ADAM12: variants seen among roughly 807,000 people sequenced by gnomAD.
The protein encoded by ADAM12 is ADAM metallopeptidase domain 12.
ADAM12 carries 70 observed loss-of-function variants against 106.4 expected under a neutral mutation model. The ratio of observed to expected loss-of-function variants is 0.66; its 90% CI spans 0.54 to 0.80. ADAM12 has a LOEUF of 0.80. Ranked by LOEUF, ADAM12 falls within the 30% of genes least tolerant of loss-of-function variation. The pLI, the probability that ADAM12 is intolerant of heterozygous loss-of-function variation, is 0.00. For missense variants in ADAM12, 1,010 were observed against 1,171.9 expected (o/e 0.86, Z 2.02); for synonymous variants, 420 against 433.5 (o/e 0.97, Z 0.39).
Position 126,118,084 on chromosome 10 carries a change from GC to G in ADAM12, c.556del (p.Ala186LeufsTer31). ...GGGTGGTGGAAACACATTCTTTGCA[GC>G]GAGGTTTGGTGTGTTGTGATGTGAT... ...CGSHHNTPNL[A>X]AKNVFPPPSQ... On this transcript the variant is annotated frameshift_variant, in exon 6 of 23. Transcript: ENST00000448723. LOFTEE classifies it high-confidence loss of function. The G allele has an allele frequency of 1.9e-6, 3 of 1,614,156 alleles. No individual in the cohort carries two copies. Among genetic ancestry groups the G allele is most frequent in the Non-Finnish European group, 2.5e-6 (3 of 1,180,006 alleles).
chr10:126,051,715 C>A (rs1196841579), intron 14 of ADAM12, among the ~76,000 whole-genome samples: 7 of 151,912 alleles, frequency 4.6e-5, no homozygotes, highest in Non-Finnish European at 8.8e-5. Context: ...TTCAATCAGA[C>A]ACATGTATTT....
intron 3 of ADAM12, among the ~76,000 whole-genome samples, chr10:126,269,992 T>C (rs1959168061): frequency 6.6e-6 from 1 of 152,182 alleles, no homozygotes; most frequent in Non-Finnish European, 1.5e-5. Context: ...AAGAATGAAA[T>C]GAGGGGAGAA....
chr10:126,243,483 G>GTGT (rs1565162675), intron 3 of ADAM12, among the ~76,000 whole-genome samples: 7 of 95,418 alleles, frequency 7.3e-5, no homozygotes, highest in Admixed American at 2.5e-4. Context: ...CTGTGTGTGT[G>GTGT]AGTGTATGTG....
At chr10:126,345,995 A>G (rs1469031617) in intron 1 of ADAM12, among the ~76,000 whole-genome samples, 1 of 152,118 alleles carries the variant, frequency 6.6e-6, no homozygotes, top group Non-Finnish European at 1.5e-5. Flanking sequence ...GATTTTTTGA[A>G]GGTTTTTTTG....
chr10:126,065,874 C>T (rs1954857186), intron 13 of ADAM12, among the ~76,000 whole-genome samples: 1 of 152,200 alleles, frequency 6.6e-6, no homozygotes, highest in African/African-American at 2.4e-5. Flanking sequence ...TTCCAGGCAC[C>T]TTCCTTCACC....
At chr10:126,382,749 G>A (rs1437893654) in intron 1 of ADAM12, among the ~76,000 whole-genome samples, 1 of 152,122 alleles carries the variant, frequency 6.6e-6, no homozygotes, top group African/African-American at 2.4e-5. Context: ...AAACAAATGG[G>A]GGGGAAAGAG....
At chr10:126,209,125 T>G (rs545353011) in intron 3 of ADAM12, among the ~76,000 whole-genome samples, 1 of 152,368 alleles carries the variant, frequency 6.6e-6, no homozygotes, top group Non-Finnish European at 1.5e-5. Flanking sequence ...TTGGGAATCT[T>G]GGCAGCAAGC....
rs376009720 is a variant in ADAM12 at position 126,197,269 on chromosome 10, A to G, written c.261-41964T>C. Among the ~76,000 whole-genome samples, 7 of 152,340 alleles carry G rather than the reference A, an allele frequency of 4.6e-5. No individual in the cohort carries two copies. In the East Asian group the frequency reaches 1.4e-3, roughly 29 times the overall value. The stretch of plus-strand genomic sequence containing the variant: ...GAGTGACAAGGCATCTTTTGGACAA[A>G]GTCCATTGGTGAACTCTGGAAGAAG... On this transcript the variant is annotated intron_variant, in intron 3 of 22. Coordinates refer to ENST00000448723, the MANE Select transcript of ADAM12 (RefSeq NM_001288973.2).
chr10:126,269,089 C>T (rs1959157316), intron 3 of ADAM12, among the ~76,000 whole-genome samples: 3 of 152,048 alleles, frequency 2.0e-5, no homozygotes, highest in African/African-American at 7.2e-5. Context: ...CTTTTTAGAC[C>T]ATATAGGGTA....
Position 126,219,384 on chromosome 10 carries a change from G to A in ADAM12, c.260+59531C>T, listed in dbSNP as rs74158393. On this transcript the variant is annotated intron_variant, in intron 3 of 22. Transcript: ENST00000448723. ...TCAGGCCCCCATGCCTTTTCTCCCC[G>A]TGGGCCAGCAGGGAACCTTTGCTAA... Among the ~76,000 whole-genome samples, 1,352 of 152,196 alleles carry A rather than the reference G, an allele frequency of 8.9e-3. 19 individuals carry two copies. Among genetic ancestry groups the A allele is most frequent in the African/African-American group, 0.031 (1,280 of 41,498 alleles).
At chr10:126,037,833 T>C (rs962593392) in intron 20 of ADAM12, among the ~76,000 whole-genome samples, 2 of 152,160 alleles carry the variant, frequency 1.3e-5, no homozygotes, top group Non-Finnish European at 2.9e-5. Context: ...AGAGTAACAG[T>C]GGGCTAAAGC....
intron 2 of ADAM12, among the ~76,000 whole-genome samples, chr10:126,322,598 G>A (rs558802280): frequency 3.9e-4 from 59 of 152,308 alleles, no homozygotes; most frequent in Non-Finnish European, 7.5e-4. Flanking sequence ...AGGAGGACCC[G>A]GTGAGGGACA....
At chr10:126,060,301 A>C (rs1471038391) in intron 14 of ADAM12, among the ~76,000 whole-genome samples, 1 of 152,222 alleles carries the variant, frequency 6.6e-6, no homozygotes, top group Non-Finnish European at 1.5e-5. Flanking sequence ...CCATTTCAAA[A>C]GGGAATCATT....
At chr10:126,017,748 C>T (rs1396927913) in intron 22 of ADAM12, among the ~76,000 whole-genome samples, 1 of 152,066 alleles carries the variant, frequency 6.6e-6, no homozygotes, top group Admixed American at 6.5e-5. Flanking sequence ...AGACTTTTAC[C>T]AGGCGCAACA....
At chr10:126,153,591 C>T (rs1012768098) in intron 4 of ADAM12, among the ~76,000 whole-genome samples, 3 of 152,088 alleles carry the variant, frequency 2.0e-5, no homozygotes, top group Admixed American at 1.3e-4. Context: ...TCCATTATCT[C>T]TTATGTTCTC....
At chr10:126,200,828 A>G (rs1446990495) in intron 3 of ADAM12, among the ~76,000 whole-genome samples, 1 of 145,776 alleles carries the variant, frequency 6.9e-6, no homozygotes, top group Non-Finnish European at 1.5e-5. Flanking sequence ...GACGTTGGAG[A>G]GTTGTTAGGA....
At chr10:126,028,029 C>T (rs1315177024) in intron 21 of ADAM12, among the ~76,000 whole-genome samples, 1 of 152,160 alleles carries the variant, frequency 6.6e-6, no homozygotes, top group African/African-American at 2.4e-5. Context: ...AAATTGCTAG[C>T]ATTCCTATAC....
chr10:126,062,826 C>T (rs1365566292), intron 14 of ADAM12, among the ~76,000 whole-genome samples: 1 of 152,210 alleles, frequency 6.6e-6, no homozygotes, highest in Non-Finnish European at 1.5e-5. Context: ...CCTTGTAACT[C>T]AAGAAAAGGA....
At position 126,049,714 on chromosome 10, in the gene ADAM12, T is replaced by A. The variant is rs1324319665; in HGVS notation, c.1610-45A>T. The A allele has an allele frequency of 1.3e-6, 2 of 1,560,992 alleles. No homozygotes were observed. The highest frequency in any genetic ancestry group is 1.8e-5 in the Admixed American group (1 of 56,934). ...GCATTTTCATCTCCTGCAGGTGATT[T>A]TTTTTTTTTCATGGCTGTAGGCCTC... On this transcript the variant is annotated intron_variant, in intron 14 of 22. Coordinates refer to ENST00000448723, the MANE Select transcript of ADAM12 (RefSeq NM_001288973.2). This position sits in a 1 kb window ranked among gnomAD's most constrained non-coding sequence, Gnocchi z 4.4.
Sources: gnomAD v4.1 joint callset for allele counts (sites outside exome capture counted in the v4.1 genomes callset) on GRCh38, gnomAD v4.1.1 for gene constraint, Gnocchi (gnomAD v3.1) non-coding constraint, MANE v1.5 for transcripts, NCBI Gene and HGNC (gene_info 2026-07-23, HGNC 2026-07-21) for gene names.